Variants in MSR1 observed in about 807,000 individuals in gnomAD.
MSR1 encodes macrophage scavenger receptor types I and II.
In MSR1, 53 loss-of-function variants were observed where a neutral mutation model predicts 47.2. The observed-to-expected ratio is 1.12, with a 90% confidence interval of 0.90 to 1.41. The LOEUF (loss-of-function observed/expected upper bound fraction) is 1.41, where lower values mean the gene tolerates loss of function less well. Ranked by LOEUF, MSR1 falls within the 40% of genes most tolerant of loss-of-function variation. The probability of loss-of-function intolerance (pLI) is 0.00; values close to 1 mark genes in which losing one functional copy is unlikely to be tolerated. For synonymous variants in MSR1, 239 were observed against 185.6 expected, an observed-to-expected ratio of 1.29 and a Z score of -2.34; for missense variants, 786 against 546.9, an observed-to-expected ratio of 1.44 and a Z score of -4.36.
At chr8:16,144,492 G>A (rs1377448344) in intron 7 of MSR1, among the ~76,000 whole-genome samples, 1 of 152,034 alleles carries the variant, frequency 6.6e-6, no homozygotes, top group East Asian at 1.9e-4. Context: ...GCAAAACTGA[G>A]AACCTTCAAC....
At chr8:16,163,632 A>G (rs899114751) in intron 5 of MSR1, among the ~76,000 whole-genome samples, 2 of 151,650 alleles carry the variant, frequency 1.3e-5, no homozygotes, top group African/African-American at 2.4e-5. Flanking sequence ...TGCAGAAGAA[A>G]TGGACAAATC....
intron 1 of MSR1, among the ~76,000 whole-genome samples, chr8:16,182,016 T>G (rs75255460): frequency 1.3e-5 from 2 of 152,000 alleles, no homozygotes; most frequent in African/African-American, 4.8e-5. Context: ...CATCATAGAG[T>G]GCATTTACAC....
At chr8:16,185,716 A>G (rs1481711961) in intron 1 of MSR1, among the ~76,000 whole-genome samples, 1 of 152,078 alleles carries the variant, frequency 6.6e-6, no homozygotes, top group Non-Finnish European at 1.5e-5. Context: ...GGTAACAGCA[A>G]TGGTGCAGAC....
At chr8:16,185,769 T>C (rs1430409028) in intron 1 of MSR1, among the ~76,000 whole-genome samples, 1 of 150,208 alleles carries the variant, frequency 6.7e-6, no homozygotes, top group East Asian at 2.0e-4. Flanking sequence ...GAGGACAAAT[T>C]AATAGCATCT....
chr8:16,157,099 G>GA, intron 5 of MSR1, among the ~76,000 whole-genome samples: 1 of 152,120 alleles, frequency 6.6e-6, no homozygotes, highest in South Asian at 2.1e-4. Context: ...CGCAAGCAAA[G>GA]ATTTCAGTTT....
At chr8:16,150,172 A>ATATATATATATATATATATATAT (rs1563153611) in intron 7 of MSR1, 59 bp downstream of exon 7, 1 of 337,244 alleles carries the variant, frequency 3.0e-6, no homozygotes, top group African/African-American at 2.4e-5. Flanking sequence ...ATATATATAT[A>ATATATATATATATATATATATAT]AAATTATCTG....
At chr8:16,119,393 T>G (rs1455348760) in intron 9 of MSR1, among the ~76,000 whole-genome samples, 2 of 152,088 alleles carry the variant, frequency 1.3e-5, no homozygotes, top group East Asian at 3.9e-4. Context: ...GCCTGGCTAA[T>G]TTTTGTATTT....
At chr8:16,149,937 A>G (rs1053792477) in intron 7 of MSR1, among the ~76,000 whole-genome samples, 2 of 151,482 alleles carry the variant, frequency 1.3e-5, no homozygotes, top group Admixed American at 6.6e-5. Flanking sequence ...GTTTTTTTAA[A>G]CGATTTTCCT....
At chr8:16,144,953 T>C (rs189052146) in intron 7 of MSR1, among the ~76,000 whole-genome samples, 4 of 151,456 alleles carry the variant, frequency 2.6e-5, no homozygotes, top group Non-Finnish European at 4.4e-5. Context: ...TTTGAACATG[T>C]GTCATTATGT....
At chr8:16,139,757 AAAAAAAAAAAAAAAAAAAT>A (rs1800483837) in intron 8 of MSR1, 1 of 153,012 alleles carries the variant, frequency 6.5e-6, no homozygotes, top group African/African-American at 9.0e-5. Flanking sequence ...TAAAAAAAAA[AAAAAAAAAAAAAAAAAAAT>A]ATATATATAT....
chr8:16,191,081 C>T (rs956954998), intron 1 of MSR1, among the ~76,000 whole-genome samples: 1 of 152,142 alleles, frequency 6.6e-6, no homozygotes, highest in Non-Finnish European at 1.5e-5. Flanking sequence ...AGCTTGTGAT[C>T]CTCCTTATTA....
At position 16,119,109 on chromosome 8, in the gene MSR1, C is replaced by T. The variant is rs990046353; in HGVS notation, c.1222+1309G>A. On this transcript the variant is annotated intron_variant, in intron 9 of 9. Transcript: ENST00000262101. Reference sequence around the variant, plus strand: ...GGGGCTGAAACTGGCTACAGAAGTTCTGCACATTACCAGTCTATTTTCTGA... The same window carrying T: ...GGGGCTGAAACTGGCTACAGAAGTTTTGCACATTACCAGTCTATTTTCTGA... Among the ~76,000 whole-genome samples, 3 of 152,150 alleles carry T rather than the reference C, an allele frequency of 2.0e-5. No homozygotes were observed. In the East Asian group the frequency reaches 5.8e-4, roughly 29 times the overall value.
At chr8:16,123,857 C>T (rs546639675) in intron 8 of MSR1, among the ~76,000 whole-genome samples, 1 of 152,090 alleles carries the variant, frequency 6.6e-6, no homozygotes, top group Non-Finnish European at 1.5e-5. Context: ...ACCCAAGACC[C>T]GAATCTGCTT....
At chr8:16,143,911 C>A (rs1404321921) in intron 7 of MSR1, among the ~76,000 whole-genome samples, 1 of 152,090 alleles carries the variant, frequency 6.6e-6, no homozygotes. Flanking sequence ...CTTTTCTCCT[C>A]TTCCTTTGAC....
At chr8:16,134,652 C>T (rs1210852982) in intron 8 of MSR1, among the ~76,000 whole-genome samples, 4 of 152,106 alleles carry the variant, frequency 2.6e-5, no homozygotes, top group Non-Finnish European at 2.9e-5. Context: ...AAGAGTGGCA[C>T]ATCTCTCATT....
At position 16,144,019 on chromosome 8, in the gene MSR1, G is replaced by C. The variant is rs553400273; in HGVS notation, c.980-408C>G. On this transcript the variant is annotated intron_variant, in intron 7 of 9. Coordinates refer to ENST00000262101, the MANE Select transcript of MSR1 (RefSeq NM_138715.3). ...TACATTTATGGTTTTCATTTCTTTA[G>C]AGTGTACCATCCCCAAAAACTGGGC... Among the ~76,000 whole-genome samples the C allele has an allele frequency of 1.7e-3, 262 of 152,062 alleles. 1 individual carries two copies. The highest frequency in any genetic ancestry group is 5.8e-3 in the South Asian group (28 of 4,814).
intron 6 of MSR1, among the ~76,000 whole-genome samples, chr8:16,154,186 T>G (rs1800937951): frequency 6.6e-6 from 1 of 151,940 alleles, no homozygotes; most frequent in East Asian, 1.9e-4. Context: ...GAAGAACCTT[T>G]TATATAATCA....
intron 8 of MSR1, among the ~76,000 whole-genome samples, chr8:16,129,802 T>C (rs1246974305): frequency 4.6e-5 from 7 of 152,020 alleles, no homozygotes; most frequent in Admixed American, 4.6e-4. Context: ...CCAGAGACGA[T>C]CGGCTGAAGG....
intron 7 of MSR1, among the ~76,000 whole-genome samples, chr8:16,146,846 C>A (rs1405745672): frequency 6.6e-6 from 1 of 152,116 alleles, no homozygotes; most frequent in Non-Finnish European, 1.5e-5. Context: ...TAAACTTTGT[C>A]TTTTAATCTC....
Sources: gnomAD v4.1 joint callset for allele counts (sites outside exome capture counted in the v4.1 genomes callset) on GRCh38, gnomAD v4.1.1 for gene constraint, MANE v1.5 for transcripts, NCBI Gene and HGNC (gene_info 2026-07-23, HGNC 2026-07-21) for gene names.